Variants in ZNF699 observed in about 807,000 individuals in gnomAD.
ZNF699 encodes hangover homolog.
A neutral mutation model predicts 22.5 loss-of-function variants in ZNF699; 18 were observed. That is an observed-to-expected ratio of 0.80 (90% CI 0.55 to 1.19). The LOEUF (loss-of-function observed/expected upper bound fraction) is 1.19, where lower values mean the gene tolerates loss of function less well. Among genes scored for constraint, ZNF699 ranks in the 50% most tolerant of loss-of-function variants. ZNF699 has a pLI of 0.00. For synonymous variants in ZNF699, 241 were observed against 262.3 expected (o/e 0.92, Z 0.78); for missense variants, 670 against 763.4 (o/e 0.88, Z 1.44).
chr19:9,307,537 G>A (rs538123859), intron 1 of ZNF699, among the ~76,000 whole-genome samples: 16 of 152,330 alleles, frequency 1.1e-4, no homozygotes, highest in African/African-American at 3.8e-4. Flanking sequence ...GTCAGGACAG[G>A]TAATGTGGCA....
At chr19:9,305,222 G>A in intron 1 of ZNF699, 98 bp from the exon 2 acceptor site, 2 of 898,942 alleles carry the variant, frequency 2.2e-6, no homozygotes, top group Non-Finnish European at 3.5e-6. Context: ...GAGCCTGGAT[G>A]TTGCAGCCCA....
At position 9,295,279 on chromosome 19, in the gene ZNF699, T is replaced by C. The variant is rs79031595; in HGVS notation, c.*196A>G. ...TTCATTTCTAGTAGAGATTTTCTTATACATAATAAGCAATGTTCATAAAGG... is the reference window on the plus strand; with the variant it reads ...TTCATTTCTAGTAGAGATTTTCTTACACATAATAAGCAATGTTCATAAAGG... On this transcript the variant is annotated 3_prime_UTR_variant, in exon 6 of 6. Transcript: ENST00000591998. The C allele has an allele frequency of 1.9e-3, 1,162 of 602,714 alleles. No individual in the cohort carries two copies. Among genetic ancestry groups the C allele is most frequent in the Non-Finnish European group, 2.9e-3 (1,043 of 364,452 alleles). The allele number at this position is 602,714 out of a possible 1,614,324, so 37.3% of individuals were successfully genotyped here.
At chr19:9,303,444 CATTACGAAG>C (rs1407685123) in intron 2 of ZNF699, among the ~76,000 whole-genome samples, 1 of 152,238 alleles carries the variant, frequency 6.6e-6, no homozygotes, top group Non-Finnish European at 1.5e-5. Flanking sequence ...TCACCAAGGT[CATTACGAAG>C]TACACAGATA....
At chr19:9,304,959 A>G in intron 2 of ZNF699, 113 bp downstream of exon 2, 1 of 723,366 alleles carries the variant, frequency 1.4e-6, no homozygotes. Context: ...TTCAGTGCCT[A>G]AAATACTATG....
At chr19:9,298,093 G>T in intron 3 of ZNF699, 103 bp from the exon 4 acceptor site, 1 of 681,282 alleles carries the variant, frequency 1.5e-6, no homozygotes. Context: ...TCCAAAAATG[G>T]ACAACTGTGA....
At chr19:9,302,336 A>T (rs756096603) in intron 3 of ZNF699, 42 bp downstream of exon 3, 14 of 1,608,938 alleles carry the variant, frequency 8.7e-6, no homozygotes, top group Non-Finnish European at 1.2e-5. Flanking sequence ...GAGATAAAAT[A>T]ACTTTCTAAA....
chr19:9,297,828 T>A lies in ZNF699; in HGVS notation c.286+52A>T. ...AACAAAGTTTGTTTTTGTTTTTTAC[T>A]TTAAGTTTATTTTTTCCCCCAACCA... is the stretch of plus-strand genomic sequence containing the variant. On this transcript the variant is annotated intron_variant, in intron 4 of 5. Transcript: ENST00000591998. This position sits in a 1 kb window ranked among gnomAD's most constrained non-coding sequence, Gnocchi z 4.3. 1 of 1,430,524 alleles carries A rather than the reference T, an allele frequency of 7.0e-7. No homozygotes were observed. The highest frequency in any genetic ancestry group is 9.8e-7 in the Non-Finnish European group (1 of 1,017,742). 88.6% of individuals were successfully genotyped at this position (1,430,524 alleles called of 1,614,324 possible). A position where few individuals can be genotyped will look rare whatever the true frequency, so the allele number is the denominator to read the frequency against.
At chr19:9,308,063 AAAC>A (rs2144986321) in intron 1 of ZNF699, among the ~76,000 whole-genome samples, 1 of 152,284 alleles carries the variant, frequency 6.6e-6, no homozygotes, top group Non-Finnish European at 1.5e-5. Flanking sequence ...AAAACATAGT[AAAC>A]AAAATCAGAA....
intron 2 of ZNF699, among the ~76,000 whole-genome samples, chr19:9,303,339 C>T (rs2066314943): frequency 6.6e-6 from 1 of 152,212 alleles, no homozygotes; most frequent in Non-Finnish European, 1.5e-5. Context: ...ATACTTCTGA[C>T]TGGCTAAAAT....
At chr19:9,308,725 A>T (rs184834310) in intron 1 of ZNF699, among the ~76,000 whole-genome samples, 235 of 152,352 alleles carry the variant, frequency 1.5e-3, no homozygotes, top group African/African-American at 5.5e-3. Flanking sequence ...CTGGAATCAG[A>T]AACAAGACAG....
intron 3 of ZNF699, among the ~76,000 whole-genome samples, chr19:9,300,896 CAT>C (rs1185224590): frequency 6.6e-6 from 1 of 152,104 alleles, no homozygotes; most frequent in African/African-American, 2.4e-5. Flanking sequence ...CTTCCAAACT[CAT>C]AGAATGTACA....
intron 2 of ZNF699, 48 bp downstream of exon 2, chr19:9,305,024 C>G: frequency 6.6e-7 from 1 of 1,513,340 alleles, no homozygotes; most frequent in Non-Finnish European, 9.2e-7. Context: ...TGAGGGAGAC[C>G]TGGTACAATG....
chr19:9,307,946 CAA>C (rs747641771), intron 1 of ZNF699, among the ~76,000 whole-genome samples: 15 of 65,054 alleles, frequency 2.3e-4, no homozygotes, highest in Non-Finnish European at 2.3e-4. Context: ...GACTCTGTCT[CAA>C]AAAAAAAAAA....
Position 9,296,235 on chromosome 19 carries a change from G to A in ZNF699, c.1169C>T (p.Pro390Leu), listed in dbSNP as rs1413307693. 6.2e-7 allele frequency: 1 copy of A among 1,613,864 alleles called. No homozygotes were observed. ...VHGRTHTGEKPYKCKECGKAY... is the reference protein window; with the variant it reads ...VHGRTHTGEKLYKCKECGKAY... Reference sequence around the variant, plus strand: ...TTTCCCACATTCCTTACATTTATAGGGTTTCTCTCCAGTATGTGTCCTCCC... The same window carrying A: ...TTTCCCACATTCCTTACATTTATAGAGTTTCTCTCCAGTATGTGTCCTCCC... The change falls in exon 6 of 6, where the codon CCC becomes CTC. Residue 390 changes from proline to leucine, a missense_variant. Transcript: ENST00000591998.
intron 1 of ZNF699, among the ~76,000 whole-genome samples, chr19:9,306,942 G>A (rs1399879097): frequency 6.6e-6 from 1 of 152,250 alleles, no homozygotes; most frequent in Non-Finnish European, 1.5e-5. Flanking sequence ...GCTCATGCTT[G>A]TAATCCCAGC....
chr19:9,303,579 G>A (rs547624949), intron 2 of ZNF699, among the ~76,000 whole-genome samples: 5 of 152,232 alleles, frequency 3.3e-5, no homozygotes, highest in Middle Eastern at 3.4e-3. Context: ...AGCTATCCAC[G>A]AGCTCCTCAA....
chr19:9,302,474 C>G lies in ZNF699; in HGVS notation c.79G>C (p.Asp27His). Residue 27 changes from aspartate to histidine, a missense_variant, in exon 3 of 6, where the codon GAC becomes CAC. Asp to His is a moderately conservative substitution (Grantham distance 81, BLOSUM62 -1). Coordinates refer to ENST00000591998, the MANE Select transcript of ZNF699 (RefSeq NM_198535.3). ...DSVVFEDVAV[D>H]FTQEEWALLD... ...AAAGCCCATTCCTCCTGGGTAAAGT[C>G]CACAGCCACATCCTCAAAGACTACT... 6.2e-7 allele frequency: 1 copy of G among 1,613,724 alleles called. No individual in the cohort carries two copies. The highest frequency in any genetic ancestry group is 8.5e-7 in the Non-Finnish European group (1 of 1,179,760).
chr19:9,296,831 T>G lies in ZNF699; in HGVS notation c.573A>C (p.Glu191Asp). 6.2e-7 allele frequency: 1 copy of G among 1,614,216 alleles called. No homozygotes were observed. The highest frequency in any genetic ancestry group is 8.5e-7 in the Non-Finnish European group (1 of 1,180,028). The change falls in exon 6 of 6, where the codon GAA becomes GAC. Residue 191 changes from glutamate (E) to aspartate (D), a missense_variant. By Grantham distance (45) the Glu-to-Asp change is conservative. Coordinates refer to ENST00000591998, the MANE Select transcript of ZNF699 (RefSeq NM_198535.3). ...PNLDSLKRNT[E>D]VKSCECHECG... ...ACTCATGGCATTCACAGGATTTTACTTCAGTATTTCTCTTGAGTGAATCAA... is the reference window on the plus strand; with the variant it reads ...ACTCATGGCATTCACAGGATTTTACGTCAGTATTTCTCTTGAGTGAATCAA...
chr19:9,305,177 G>T, intron 1 of ZNF699, 53 bp from the exon 2 acceptor site: 1 of 1,537,938 alleles, frequency 6.5e-7, no homozygotes, highest in Non-Finnish European at 8.9e-7. Context: ...AAGGTGACAT[G>T]AGAATCCAGA....
Sources: allele counts gnomAD v4.1 joint callset (sites outside exome capture counted in the v4.1 genomes callset), GRCh38; gene constraint gnomAD v4.1.1; non-coding constraint Gnocchi (gnomAD v3.1); transcripts MANE v1.5; gene names NCBI Gene and HGNC (gene_info 2026-07-23, HGNC 2026-07-21).